Variants in TBCK observed in about 807,000 individuals in gnomAD.
TBCK encodes TBC1 domain containing kinase.
A neutral mutation model predicts 113.4 loss-of-function variants in TBCK; 99 were observed. The observed-to-expected ratio is 0.87, with a 90% CI of 0.74 to 1.03. The LOEUF (loss-of-function observed/expected upper bound fraction) is 1.03, where lower values mean the gene tolerates loss of function less well. TBCK is among the 50% of genes least tolerant of loss of function. The pLI, the probability that TBCK is intolerant of heterozygous loss-of-function variation, is 0.00. For missense variants in TBCK, 1,045 were observed against 1,061.3 expected (o/e 0.98, Z 0.21); for synonymous variants, 369 against 370.8 (o/e 1.00, Z 0.05).
chr4:106,230,500 C>T, intron 18 of TBCK, 54 bp from the exon 19 acceptor site: 1 of 1,062,484 alleles, frequency 9.4e-7, no homozygotes, highest in Non-Finnish European at 1.4e-6. Context: ...GGGTAGATGA[C>T]CATCAGTAAT....
intron 19 of TBCK, among the ~76,000 whole-genome samples, chr4:106,220,579 T>G (rs889494295): frequency 2.0e-5 from 3 of 151,912 alleles, no homozygotes; most frequent in East Asian, 3.9e-4. Context: ...GCTGAATTCC[T>G]CATTTAATGT....
intron 25 of TBCK, among the ~76,000 whole-genome samples, chr4:106,061,254 T>C (rs1736010751): frequency 6.6e-6 from 1 of 151,728 alleles, no homozygotes; most frequent in South Asian, 2.1e-4. Context: ...GAAGAGTCAA[T>C]TGATACGGCA....
At chr4:106,204,866 C>T (rs372815402) in intron 20 of TBCK, among the ~76,000 whole-genome samples, 14 of 149,482 alleles carry the variant, frequency 9.4e-5, no homozygotes, top group African/African-American at 3.4e-4. Context: ...CCCGGGTTCA[C>T]GCCATTCTCC....
chr4:106,303,063 C>T (rs567077483), intron 2 of TBCK, among the ~76,000 whole-genome samples: 1 of 152,220 alleles, frequency 6.6e-6, no homozygotes, highest in African/African-American at 2.4e-5. Flanking sequence ...AAAAAGCACC[C>T]CTCCCCCTAG....
intron 5 of TBCK, among the ~76,000 whole-genome samples, chr4:106,253,776 T>C (rs1761682814): frequency 6.6e-6 from 1 of 152,244 alleles, no homozygotes; most frequent in East Asian, 1.9e-4. Flanking sequence ...GACTTTCGCT[T>C]ATTTCTCTAG....
chr4:106,217,308 A>C (rs1757070520), intron 19 of TBCK, among the ~76,000 whole-genome samples: 1 of 152,174 alleles, frequency 6.6e-6, no homozygotes, highest in African/African-American at 2.4e-5. Flanking sequence ...AAACTGGCAC[A>C]AGACAGGGAT....
At chr4:106,066,441 G>A (rs1157833741) in intron 25 of TBCK, among the ~76,000 whole-genome samples, 1 of 152,004 alleles carries the variant, frequency 6.6e-6, no homozygotes, top group African/African-American at 2.4e-5. Context: ...TGATCAGAAA[G>A]TGTAGGGCTC....
chr4:106,122,048 G>C (rs1181516199), intron 23 of TBCK, among the ~76,000 whole-genome samples: 1 of 152,080 alleles, frequency 6.6e-6, no homozygotes, highest in Non-Finnish European at 1.5e-5. Context: ...AGGAAATAGA[G>C]ACAGAAAAAA....
At chr4:106,084,110 T>G (rs1739226890) in intron 25 of TBCK, among the ~76,000 whole-genome samples, 1 of 152,062 alleles carries the variant, frequency 6.6e-6, no homozygotes, top group Admixed American at 6.6e-5. Flanking sequence ...AGAAGAAGGC[T>G]CCAGAAGATG....
chr4:106,095,946 G>A (rs1185368397), intron 24 of TBCK, among the ~76,000 whole-genome samples: 1 of 152,186 alleles, frequency 6.6e-6, no homozygotes, highest in Non-Finnish European at 1.5e-5. Flanking sequence ...GTTCTATAAA[G>A]AGTGGAGATG....
intron 25 of TBCK, among the ~76,000 whole-genome samples, chr4:106,072,247 C>T (rs1737553375): frequency 6.6e-6 from 1 of 151,972 alleles, no homozygotes; most frequent in Non-Finnish European, 1.5e-5. Flanking sequence ...TTGTTCCTTT[C>T]CATGTTTAGT....
At chr4:106,102,669 A>T (rs558388871) in intron 24 of TBCK, among the ~76,000 whole-genome samples, 46 of 152,290 alleles carry the variant, frequency 3.0e-4, no homozygotes, top group African/African-American at 9.6e-4. Context: ...CTTCACCTAT[A>T]ATGAAGATGT....
At chr4:106,151,450 G>A (rs563471409) in intron 23 of TBCK, among the ~76,000 whole-genome samples, 5 of 151,972 alleles carry the variant, frequency 3.3e-5, no homozygotes, top group African/African-American at 1.2e-4. Context: ...ACAAATAAGT[G>A]AGAACACACA....
At chr4:106,314,678 G>A (rs928522222) in intron 1 of TBCK, among the ~76,000 whole-genome samples, 21 of 137,200 alleles carry the variant, frequency 1.5e-4, no homozygotes, top group Non-Finnish European at 2.6e-4. Context: ...AGGCTGGAGT[G>A]CAGTGGCATG....
chr4:106,122,834 GC>G (rs1490946676), intron 23 of TBCK, among the ~76,000 whole-genome samples: 23 of 152,056 alleles, frequency 1.5e-4, no homozygotes, highest in Non-Finnish European at 2.9e-4. Context: ...AACCCTTCAT[GC>G]TAAAAACTCT....
At chr4:106,242,034 C>A (rs530727863) in intron 12 of TBCK, among the ~76,000 whole-genome samples, 1 of 151,858 alleles carries the variant, frequency 6.6e-6, no homozygotes, top group Admixed American at 6.6e-5. Context: ...TAAGAAATCA[C>A]TCAACAGAAA....
Position 106,072,390 on chromosome 4 carries a change from A to C in TBCK, c.2571+23092T>G, listed in dbSNP as rs1217443084. On this transcript the variant is annotated intron_variant, in intron 25 of 25. Coordinates refer to ENST00000394708, the MANE Select transcript of TBCK (RefSeq NM_001163435.3). Reference sequence around the variant, plus strand: ...GGCTGGATATGAAATTCTGGGTTGAAAATTCTTTTCTTTGAGAATGTTGAA... The same window carrying C: ...GGCTGGATATGAAATTCTGGGTTGACAATTCTTTTCTTTGAGAATGTTGAA... Among the ~76,000 whole-genome samples the C allele has an allele frequency of 3.3e-5, 5 of 152,286 alleles. No individual in the cohort carries two copies. The East Asian group carries it at 9.7e-4, about 29-fold the overall frequency.
intron 19 of TBCK, among the ~76,000 whole-genome samples, chr4:106,222,266 T>C (rs561872499): frequency 2.6e-5 from 4 of 152,204 alleles, no homozygotes; most frequent in African/African-American, 9.6e-5. Flanking sequence ...TCTTCCCTTC[T>C]AATTGCTCTG....
intron 23 of TBCK, among the ~76,000 whole-genome samples, chr4:106,120,328 C>T (rs1371437739): frequency 1.3e-5 from 2 of 152,108 alleles, no homozygotes; most frequent in African/African-American, 4.8e-5. Flanking sequence ...CCCACAGAGT[C>T]TCGCTGATTG....
Sources: gnomAD v4.1 joint callset for allele counts (sites outside exome capture counted in the v4.1 genomes callset) on GRCh38, gnomAD v4.1.1 for gene constraint, MANE v1.5 for transcripts, NCBI Gene and HGNC (gene_info 2026-07-23, HGNC 2026-07-21) for gene names.